ARID1B: variants seen among roughly 807,000 people sequenced by gnomAD.
The protein encoded by ARID1B is AT-rich interaction domain 1B.
ARID1B carries 30 observed loss-of-function variants against 212.3 expected under a neutral mutation model. That is an observed-to-expected ratio of 0.14 (90% confidence interval 0.11 to 0.19). The LOEUF is 0.19. Ranked by LOEUF, ARID1B falls within the 10% of genes least tolerant of loss-of-function variation. The pLI, the probability that ARID1B is intolerant of heterozygous loss-of-function variation, is 1.00. For synonymous variants in ARID1B, 1,402 were observed against 1,301.7 expected, an observed-to-expected ratio of 1.08 and a Z score of -1.66; for missense variants, 2,891 against 3,204.0, an observed-to-expected ratio of 0.90 and a Z score of 2.36.
intron 11 of ARID1B, 23 bp downstream of exon 11, chr6:157,175,028 TG>T (rs780361296): frequency 2.1e-5 from 29 of 1,359,472 alleles, no homozygotes; most frequent in Non-Finnish European, 2.7e-5. Context: ...GGTTTTTTTT[TG>T]TTTTTTTTGT....
intron 2 of ARID1B, among the ~76,000 whole-genome samples, chr6:156,834,864 AT>A (rs1447291934): frequency 6.6e-6 from 1 of 152,214 alleles, no homozygotes; most frequent in East Asian, 1.9e-4. Context: ...TATACCTCAC[AT>A]TTCTGCTTCC....
At chr6:157,039,642 C>CTTCCTTCCTTCCTTCT (rs1781609551) in intron 4 of ARID1B, among the ~76,000 whole-genome samples, 46 of 122,630 alleles carry the variant, frequency 3.8e-4, no homozygotes, top group Non-Finnish European at 5.4e-4. Context: ...TCCTTCCTTC[C>CTTCCTTCCTTCCTTCT]TTCTTTCCTT....
intron 2 of ARID1B, among the ~76,000 whole-genome samples, chr6:156,885,451 A>G (rs989550804): frequency 6.6e-6 from 1 of 152,166 alleles, no homozygotes; most frequent in African/African-American, 2.4e-5. Flanking sequence ...GAAGTGAGAC[A>G]TTTATTTTGC....
intron 6 of ARID1B, among the ~76,000 whole-genome samples, chr6:157,122,568 T>C (rs1222280686): frequency 2.6e-5 from 4 of 152,262 alleles, no homozygotes; most frequent in African/African-American, 9.6e-5. Context: ...GGAAACGCGC[T>C]TGCCCGGGTC....
At chr6:156,835,074 T>TA (rs1013038339) in intron 2 of ARID1B, among the ~76,000 whole-genome samples, 5 of 151,894 alleles carry the variant, frequency 3.3e-5, no homozygotes, top group Admixed American at 6.6e-5. Flanking sequence ...TTGTCTCTAC[T>TA]AAAAAAATAC....
chr6:156,986,888 A>C (rs1036142731), intron 4 of ARID1B, among the ~76,000 whole-genome samples: 1 of 152,162 alleles, frequency 6.6e-6, no homozygotes, highest in Non-Finnish European at 1.5e-5. Context: ...GTATTAATAA[A>C]ACAACATAGG....
In ARID1B at chr6:157,208,018, C is replaced by A; in HGVS notation, c.*127C>A. ...AATCTTTGCTCCTCTGCCCCATTCA[C>A]TATTTACCAATTGGGAATTAAAGAA... On this transcript the variant is annotated 3_prime_UTR_variant, in exon 20 of 20. Coordinates refer to ENST00000636930, the MANE Select transcript of ARID1B (RefSeq NM_001374828.1). 1 of 987,032 alleles carries A rather than the reference C, an allele frequency of 1.0e-6. No individual in the cohort carries two copies. The highest frequency in any genetic ancestry group is 1.4e-6 in the Non-Finnish European group (1 of 728,934). The allele number at this position is 987,032 out of a possible 1,614,324, so 61.1% of individuals were successfully genotyped here.
intron 1 of ARID1B, among the ~76,000 whole-genome samples, chr6:156,814,575 A>G (rs749457575): frequency 8.5e-5 from 13 of 152,154 alleles, no homozygotes; most frequent in African/African-American, 2.7e-4. Context: ...TTTGAAAACA[A>G]ATTGGCTTGG....
At chr6:157,013,862 A>G (rs1322580453) in intron 4 of ARID1B, among the ~76,000 whole-genome samples, 1 of 152,200 alleles carries the variant, frequency 6.6e-6, no homozygotes, top group Non-Finnish European at 1.5e-5. Flanking sequence ...CTGTTCAGTA[A>G]CACAGGCTAG....
chr6:157,206,955 G>A lies in ARID1B; in HGVS notation c.6183G>A (p.Gln2061=), dbSNP rs2128395324. 1 of 1,614,248 alleles carries A rather than the reference G, an allele frequency of 6.2e-7. No homozygotes were observed. Among genetic ancestry groups the A allele is most frequent in the East Asian group, 2.2e-5 (1 of 44,888 alleles). The change falls in exon 20 of 20, where the codon CAG becomes CAA. Residue 2061 remains glutamine (Q), a synonymous_variant. Coordinates refer to ENST00000636930, the MANE Select transcript of ARID1B (RefSeq NM_001374828.1). The surrounding 1 kb of genome is among the most constrained non-coding windows in gnomAD (Gnocchi z 6.8). ...ETPLCTIAHW[Q]DSLAKRCICV... is the part of the protein sequence containing the mutation. ...CTCTGTGTACCATCGCGCACTGGCAGGACTCGCTGGCTAAGCGATGCATCT... is the reference window on the plus strand; with the variant it reads ...CTCTGTGTACCATCGCGCACTGGCAAGACTCGCTGGCTAAGCGATGCATCT...
In ARID1B at chr6:156,777,918, C is replaced by T; in HGVS notation, c.238C>T (p.His80Tyr). 6.6e-7 allele frequency: 1 copy of T among 1,520,958 alleles called. No individual in the cohort carries two copies. The highest frequency in any genetic ancestry group is 1.2e-5 in the South Asian group (1 of 82,598). The allele number at this position is 1,520,958 out of a possible 1,614,324, so 94.2% of individuals were successfully genotyped here. The change falls in exon 1 of 20, where the codon CAC (histidine) becomes TAC (tyrosine). Residue 80 changes from histidine (H) to tyrosine (Y), a missense_variant. Physicochemically the swap from His to Tyr is moderately conservative, Grantham distance 83. Transcript: ENST00000636930. ...SVHHHPLLPR[H>Y]ELNMAHNAGA... is the part of the protein sequence containing the mutation. ...GCACCACCACCCCCTGCTCCCCCGT[C>T]ACGAACTCAACATGGCCCATAACGC...
intron 4 of ARID1B, among the ~76,000 whole-genome samples, chr6:156,948,129 T>C (rs1002534025): frequency 1.7e-4 from 26 of 152,332 alleles, no homozygotes; most frequent in African/African-American, 6.0e-4. Flanking sequence ...ATTTTGCTAA[T>C]TTTGATTAAA....
chr6:156,806,749 A>G (rs1277171160), intron 1 of ARID1B, among the ~76,000 whole-genome samples: 1 of 152,218 alleles, frequency 6.6e-6, no homozygotes, highest in Non-Finnish European at 1.5e-5. Flanking sequence ...GCTTAGAGAC[A>G]CGTTTGGATC....
chr6:156,999,877 GT>G (rs2128425046), intron 4 of ARID1B, among the ~76,000 whole-genome samples: 1 of 152,326 alleles, frequency 6.6e-6, no homozygotes, highest in South Asian at 2.1e-4. Context: ...AGAAATCACA[GT>G]TGCTGCTCTC....
At chr6:157,077,362 C>T (rs1220102856) in intron 4 of ARID1B, among the ~76,000 whole-genome samples, 1 of 152,140 alleles carries the variant, frequency 6.6e-6, no homozygotes, top group Non-Finnish European at 1.5e-5. Context: ...ACCTCTGTGG[C>T]TCCCTGGTTC....
At chr6:156,869,612 T>C (rs1475473652) in intron 2 of ARID1B, among the ~76,000 whole-genome samples, 1 of 152,210 alleles carries the variant, frequency 6.6e-6, no homozygotes, top group East Asian at 1.9e-4. Flanking sequence ...AAAGACTTTA[T>C]TTTATCATGC....
intron 4 of ARID1B, among the ~76,000 whole-genome samples, chr6:156,998,112 G>A (rs1583109141): frequency 6.6e-6 from 1 of 152,116 alleles, no homozygotes; most frequent in African/African-American, 2.4e-5. Flanking sequence ...TCTTGGTATG[G>A]ATAGAAAGCA....
intron 2 of ARID1B, among the ~76,000 whole-genome samples, chr6:156,885,226 C>G (rs1303764215): frequency 6.6e-6 from 1 of 152,056 alleles, no homozygotes; most frequent in East Asian, 1.9e-4. Context: ...GGTATTTGTA[C>G]CAGTTAATGT....
intron 6 of ARID1B, chr6:157,110,956 T>C (rs1054338770): frequency 5.3e-6 from 1 of 188,574 alleles, no homozygotes; most frequent in African/African-American, 2.3e-5. Flanking sequence ...TACTGGTTAT[T>C]CCCTGATATT....
Sources: allele counts gnomAD v4.1 joint callset (sites outside exome capture counted in the v4.1 genomes callset), GRCh38; gene constraint gnomAD v4.1.1; non-coding constraint Gnocchi (gnomAD v3.1); transcripts MANE v1.5; gene names NCBI Gene and HGNC (gene_info 2026-07-23, HGNC 2026-07-21).